Variants in STAT3 observed in about 807,000 individuals in gnomAD.
The protein encoded by STAT3 is DNA-binding protein APRF.
A neutral mutation model predicts 114.3 loss-of-function variants in STAT3; 7 were observed. The observed-to-expected ratio is 0.06, with a 90% CI of 0.03 to 0.11. The LOEUF (loss-of-function observed/expected upper bound fraction) is 0.11, where lower values mean the gene tolerates loss of function less well. Among genes scored for constraint, STAT3 ranks in the 10% least tolerant of loss-of-function variants. STAT3 has a pLI of 1.00. For missense variants in STAT3, 364 were observed against 960.9 expected (o/e 0.38, Z 8.21); for synonymous variants, 331 against 354.5 (o/e 0.93, Z 0.74).
intron 8 of STAT3, among the ~76,000 whole-genome samples, chr17:42,336,694 A>G (rs189805409): frequency 2.7e-4 from 41 of 149,918 alleles, no homozygotes; most frequent in Admixed American, 2.2e-3. Context: ...ACAGATGTCT[A>G]GATTGAGCAT....
intron 1 of STAT3, among the ~76,000 whole-genome samples, chr17:42,383,991 G>A (rs2145396701): frequency 6.6e-6 from 1 of 152,308 alleles, no homozygotes; most frequent in Admixed American, 6.5e-5. Flanking sequence ...CTCCCCTAGG[G>A]CAGAGGGCAT....
chr17:42,337,054 C>T lies in STAT3; in HGVS notation c.797+381G>A, dbSNP rs554466796. Among the ~76,000 whole-genome samples the T allele has an allele frequency of 1.3e-5, 2 of 152,270 alleles. No individual in the cohort carries two copies. The highest frequency in any genetic ancestry group is 3.9e-4 in the East Asian group (2 of 5,192). ...TGTGCGGTAGTAAGATCTCCGCTCA[C>T]TGCAACTTCCATATCCCAGGTTCAA... is the stretch of plus-strand genomic sequence containing the variant. On this transcript the variant is annotated intron_variant, in intron 8 of 23. Transcript: ENST00000264657. The surrounding 1 kb of genome is among the most constrained non-coding windows in gnomAD (Gnocchi z 4.0).
chr17:42,316,955 TG>T (rs1253938404), intron 22 of STAT3, 54 bp from the exon 23 acceptor site: 35 of 1,548,794 alleles, frequency 2.3e-5, no homozygotes, highest in Middle Eastern at 2.0e-4. Flanking sequence ...CAAGACACAA[TG>T]GAAAAAAAAA....
chr17:42,374,825 T>C (rs1389030844), intron 1 of STAT3, among the ~76,000 whole-genome samples: 1 of 152,198 alleles, frequency 6.6e-6, no homozygotes, highest in African/African-American at 2.4e-5. Flanking sequence ...AGTAGCCAAA[T>C]TACCTGTTTT....
Position 42,315,449 on chromosome 17 carries a change from C to T in STAT3, c.*296G>A, listed in dbSNP as rs746452227. On this transcript the variant is annotated 3_prime_UTR_variant, in exon 24 of 24. Transcript: ENST00000264657. ...AAAGGAGGGCAGGGGAACAAAACAA[C>T]ACAAGACATTTCCTTTTTCTCCCTC... 2 of 539,010 alleles carry T rather than the reference C, an allele frequency of 3.7e-6. No individual in the cohort carries two copies. Among genetic ancestry groups the T allele is most frequent in the Non-Finnish European group, 6.7e-6 (2 of 298,662 alleles). 33.4% of individuals were successfully genotyped at this position (539,010 alleles called of 1,614,324 possible). A position where few individuals can be genotyped will look rare whatever the true frequency, so the allele number is the denominator to read the frequency against.
intron 1 of STAT3, among the ~76,000 whole-genome samples, chr17:42,352,626 T>C (rs920858184): frequency 1.4e-5 from 2 of 146,512 alleles, no homozygotes; most frequent in Non-Finnish European, 3.0e-5. Flanking sequence ...CACTCCAGCC[T>C]GGGTGACCAA....
In STAT3 at chr17:42,333,773, AAG is replaced by A; in HGVS notation, c.957-10_957-9del. On this transcript the variant is annotated splice_polypyrimidine_tract_variant and intron_variant, in intron 9 of 23. Transcript: ENST00000264657. This position sits in a 1 kb window ranked among gnomAD's most constrained non-coding sequence, Gnocchi z 5.2. ...CGCTCCACCACAAAGGCACTGAGGA[AAG>A]AGAAGATGGGCTCACGCGCCACGGC... is the stretch of plus-strand genomic sequence containing the variant. 6.2e-7 allele frequency: 1 copy of A among 1,614,204 alleles called. No individual in the cohort carries two copies. Among genetic ancestry groups the A allele is most frequent in the Non-Finnish European group, 8.5e-7 (1 of 1,180,036 alleles).
At chr17:42,325,203 G>A in intron 15 of STAT3, 142 bp from the exon 16 acceptor site, 1 of 738,968 alleles carries the variant, frequency 1.4e-6, no homozygotes, top group Non-Finnish European at 2.3e-6. Context: ...CGAGGAGTGT[G>A]AGTGAGTCAG....
intron 4 of STAT3, among the ~76,000 whole-genome samples, chr17:42,343,327 G>T (rs566689468): frequency 6.6e-6 from 1 of 151,876 alleles, no homozygotes; most frequent in East Asian, 1.9e-4. Context: ...CTCACAGAAA[G>T]TAAAAAAGTC....
intron 23 of STAT3, 96 bp from the exon 24 acceptor site, chr17:42,315,896 C>G: frequency 6.2e-7 from 1 of 1,605,906 alleles, no homozygotes; most frequent in Non-Finnish European, 8.5e-7. Context: ...CCCAGGCTAC[C>G]ACTGCTATCC....
intron 23 of STAT3, chr17:42,316,450 C>G (rs2081253692): frequency 2.3e-6 from 1 of 425,596 alleles, no homozygotes; most frequent in East Asian, 6.7e-5. Flanking sequence ...AACTCCTGAC[C>G]TCAAGTGATC....
chr17:42,326,222 C>T (rs1206875895), intron 14 of STAT3, 23 bp from the exon 15 acceptor site: 5 of 1,610,770 alleles, frequency 3.1e-6, no homozygotes, highest in Non-Finnish European at 4.2e-6. Flanking sequence ...GAAGGACACT[C>T]TTAGGCCAGG....
rs2084506382 is a variant in STAT3 at position 42,376,962 on chromosome 17, G to GTT, written c.-24+11316_-24+11317insAA. ...GTTTAAGTGCAATGGGGTAAAACATGCACTCTGTTAACTAAAAAGCCACAT... is the reference window on the plus strand; with the variant it reads ...GTTTAAGTGCAATGGGGTAAAACATGTTCACTCTGTTAACTAAAAAGCCACAT... On this transcript the variant is annotated intron_variant, in intron 1 of 23. Coordinates refer to ENST00000264657, the MANE Select transcript of STAT3 (RefSeq NM_139276.3). 3.9e-5 allele frequency among the ~76,000 whole-genome samples: 6 copies of GTT among 152,244 alleles called. No homozygotes were observed. The South Asian group carries it at 1.2e-3, about 32-fold the overall frequency.
intron 1 of STAT3, among the ~76,000 whole-genome samples, chr17:42,351,925 AT>A (rs911794314): frequency 7.4e-4 from 108 of 146,534 alleles, no homozygotes; most frequent in African/African-American, 1.9e-3. Context: ...TGCCCAGCTA[AT>A]TTTTTTTTTT....
intron 1 of STAT3, among the ~76,000 whole-genome samples, chr17:42,380,804 C>T (rs1161430095): frequency 6.6e-6 from 1 of 152,038 alleles, no homozygotes; most frequent in African/African-American, 2.4e-5. Context: ...CCCCAGCTAC[C>T]CCGAAGGCTG....
chr17:42,361,189 C>T (rs941950999), intron 1 of STAT3, among the ~76,000 whole-genome samples: 1 of 152,066 alleles, frequency 6.6e-6, no homozygotes, highest in Non-Finnish European at 1.5e-5. Context: ...TTTCAAATTT[C>T]GAAAGCTACG....
chr17:42,335,684 G>A (rs935345465), intron 8 of STAT3, among the ~76,000 whole-genome samples: 1 of 152,124 alleles, frequency 6.6e-6, no homozygotes, highest in Admixed American at 6.5e-5. Flanking sequence ...TTGAGAGGCC[G>A]AGGCAGGTCG....
intron 11 of STAT3, among the ~76,000 whole-genome samples, chr17:42,330,424 T>TCTTTC: frequency 7.1e-6 from 1 of 141,334 alleles, no homozygotes; most frequent in Non-Finnish European, 1.5e-5. Context: ...CCACATTTTC[T>TCTTTC]CTTTTCTTTT....
Position 42,324,033 on chromosome 17 carries a change from A to T in STAT3, c.1601-408T>A, listed in dbSNP as rs1180280890. 6.6e-6 allele frequency among the ~76,000 whole-genome samples: 1 copy of T among 152,208 alleles called. No individual in the cohort carries two copies. The highest frequency in any genetic ancestry group is 2.4e-5 in the African/African-American group (1 of 41,460). ...TTCCACTAATTCTTTTTTAAAAACT[A>T]GCCTACGCTGGGCACAGTGGCTCAA... On this transcript the variant is annotated intron_variant, in intron 17 of 23. Coordinates refer to ENST00000264657, the MANE Select transcript of STAT3 (RefSeq NM_139276.3). This position sits in a 1 kb window ranked among gnomAD's most constrained non-coding sequence, Gnocchi z 4.5.
Sources: gnomAD v4.1 joint callset for allele counts (sites outside exome capture counted in the v4.1 genomes callset) on GRCh38, gnomAD v4.1.1 for gene constraint, Gnocchi (gnomAD v3.1) non-coding constraint, MANE v1.5 for transcripts, NCBI Gene and HGNC (gene_info 2026-07-23, HGNC 2026-07-21) for gene names.